PLCL2: variants seen among roughly 807,000 people sequenced by gnomAD.
PLCL2 encodes the protein inactive phospholipase C-like protein 2.
In PLCL2, 4 loss-of-function variants were observed where a neutral mutation model predicts 79.6. That is an observed-to-expected ratio of 0.05 (90% CI 0.02 to 0.11). PLCL2 has a LOEUF of 0.11. Among genes scored for constraint, PLCL2 ranks in the 10% least tolerant of loss-of-function variants. The pLI is 1.00. For missense variants in PLCL2, 895 were observed against 1,291.0 expected (o/e 0.69, Z 4.70); for synonymous variants, 484 against 457.7 (o/e 1.06, Z -0.73).
chr3:16,963,770 T>G (rs997074596), intron 1 of PLCL2, among the ~76,000 whole-genome samples: 10 of 152,106 alleles, frequency 6.6e-5, no homozygotes, highest in Non-Finnish European at 8.8e-5. Context: ...TAATTGAGGC[T>G]TGAGAAGGTT....
chr3:16,947,613 C>T (rs2063614612), intron 1 of PLCL2, among the ~76,000 whole-genome samples: 1 of 152,116 alleles, frequency 6.6e-6, no homozygotes, highest in Non-Finnish European at 1.5e-5. Context: ...GTTTTGTCTC[C>T]ATTTATTTTA....
intron 1 of PLCL2, among the ~76,000 whole-genome samples, chr3:16,917,695 TA>T: frequency 6.6e-6 from 1 of 152,278 alleles, no homozygotes; most frequent in South Asian, 2.1e-4. Flanking sequence ...GAGAACTAGA[TA>T]AAAGCTGCAT....
chr3:17,048,584 A>G (rs1327767554), intron 4 of PLCL2, among the ~76,000 whole-genome samples: 1 of 152,206 alleles, frequency 6.6e-6, no homozygotes, highest in East Asian at 1.9e-4. Context: ...AATGTAAACA[A>G]TGTAAGATGC....
chr3:17,088,927 C>T (rs1387279265), intron 5 of PLCL2, among the ~76,000 whole-genome samples: 3 of 152,152 alleles, frequency 2.0e-5, no homozygotes, highest in Non-Finnish European at 4.4e-5. Context: ...GGTCAGACCT[C>T]AGAAAAGAAA....
At chr3:16,983,706 G>A (rs975001219) in intron 1 of PLCL2, among the ~76,000 whole-genome samples, 1 of 152,114 alleles carries the variant, frequency 6.6e-6, no homozygotes, top group African/African-American at 2.4e-5. Context: ...CCACTACTAA[G>A]TCAATTTATA....
At chr3:16,943,201 T>C (rs1330668011) in intron 1 of PLCL2, among the ~76,000 whole-genome samples, 1 of 152,232 alleles carries the variant, frequency 6.6e-6, no homozygotes, top group Non-Finnish European at 1.5e-5. Flanking sequence ...TACTGAATAA[T>C]ATCCTTGTGC....
chr3:16,889,349 A>G (rs552893170), intron 1 of PLCL2, among the ~76,000 whole-genome samples: 2 of 152,334 alleles, frequency 1.3e-5, no homozygotes, highest in South Asian at 2.1e-4. Flanking sequence ...AGGCAGCATC[A>G]GTGGTTTCAG....
chr3:17,087,441 A>G (rs941414908), intron 5 of PLCL2, among the ~76,000 whole-genome samples: 1 of 152,232 alleles, frequency 6.6e-6, no homozygotes, highest in Non-Finnish European at 1.5e-5. Context: ...ACTAGACGAC[A>G]TTGTTGAAAA....
chr3:16,943,190 C>T (rs532502375), intron 1 of PLCL2, among the ~76,000 whole-genome samples: 9 of 152,316 alleles, frequency 5.9e-5, no homozygotes, highest in African/African-American at 2.2e-4. Context: ...ATTAAAAACA[C>T]TACTGAATAA....
rs886769597 is a variant in PLCL2, at chr3:16,993,146, C to G, written c.328-16528C>G. ...GTACCTGCATTTCCAGTGCCTGGGA[C>G]TTAGAACTTAACACATTATTAATAA... On this transcript the variant is annotated intron_variant, in intron 1 of 5. Transcript: ENST00000615277. Among the ~76,000 whole-genome samples the G allele has an allele frequency of 5.3e-5, 8 of 152,168 alleles. 1 individual carries two copies. Among genetic ancestry groups the G allele is most frequent in the Admixed American group, 2.6e-4 (4 of 15,276 alleles).
intron 1 of PLCL2, among the ~76,000 whole-genome samples, chr3:17,005,688 G>T (rs1368842735): frequency 6.6e-6 from 1 of 152,076 alleles, no homozygotes; most frequent in African/African-American, 2.4e-5. Flanking sequence ...TTGTTATTCT[G>T]TTGGCTAATG....
chr3:16,971,440 A>G (rs1434173206), intron 1 of PLCL2, among the ~76,000 whole-genome samples: 7 of 149,884 alleles, frequency 4.7e-5, no homozygotes, highest in African/African-American at 1.7e-4. Context: ...TTTGGTACCA[A>G]GGTTACTGTA....
At chr3:17,082,287 G>C (rs1443183183) in intron 5 of PLCL2, among the ~76,000 whole-genome samples, 1 of 151,720 alleles carries the variant, frequency 6.6e-6, no homozygotes, top group Non-Finnish European at 1.5e-5. Context: ...GGGTTTACAG[G>C]CACCCGCCAC....
At chr3:16,984,287 C>T (rs2064027444) in intron 1 of PLCL2, among the ~76,000 whole-genome samples, 1 of 152,030 alleles carries the variant, frequency 6.6e-6, no homozygotes, top group Non-Finnish European at 1.5e-5. Flanking sequence ...GAATAACTTG[C>T]CACTAGCTAT....
intron 1 of PLCL2, among the ~76,000 whole-genome samples, chr3:16,935,118 A>G (rs1192572627): frequency 6.6e-6 from 1 of 152,228 alleles, no homozygotes; most frequent in African/African-American, 2.4e-5. Context: ...AAGAAAATAC[A>G]TACCTTTTCT....
chr3:17,018,785 A>G (rs2064413598), intron 3 of PLCL2, among the ~76,000 whole-genome samples: 2 of 152,204 alleles, frequency 1.3e-5, no homozygotes, highest in South Asian at 4.1e-4. Context: ...AAAATAAGTT[A>G]CTGTATTTTT....
At chr3:16,964,398 A>G (rs533976782) in intron 1 of PLCL2, among the ~76,000 whole-genome samples, 1 of 152,080 alleles carries the variant, frequency 6.6e-6, no homozygotes, top group African/African-American at 2.4e-5. Context: ...TATGTGCCAC[A>G]TTTTCTTAAT....
At chr3:16,901,888 G>A (rs553085232) in intron 1 of PLCL2, among the ~76,000 whole-genome samples, 3 of 152,164 alleles carry the variant, frequency 2.0e-5, no homozygotes, top group Non-Finnish European at 2.9e-5. Flanking sequence ...ACCCTGCCCC[G>A]CTTGTGAAGA....
chr3:16,906,570 T>C (rs1696757117), intron 1 of PLCL2, among the ~76,000 whole-genome samples: 1 of 152,188 alleles, frequency 6.6e-6, no homozygotes, highest in South Asian at 2.1e-4. Context: ...TAATGAATAT[T>C]CTACAGAGTT....
Sources: allele counts gnomAD v4.1 joint callset (sites outside exome capture counted in the v4.1 genomes callset), GRCh38; gene constraint gnomAD v4.1.1; transcripts MANE v1.5; gene names NCBI Gene and HGNC (gene_info 2026-07-23, HGNC 2026-07-21).